The following IKZF4 variants were observed in gnomAD, a reference collection of about 807,000 sequenced individuals.
The protein encoded by IKZF4 is IKAROS family zinc finger 4.
A neutral mutation model predicts 47.7 loss-of-function variants in IKZF4; 11 were observed. The observed-to-expected ratio is 0.23, with a 90% CI of 0.15 to 0.38. The LOEUF is 0.38. IKZF4 is among the 10% of genes least tolerant of loss of function. IKZF4 has a pLI of 1.00. For synonymous variants in IKZF4, 298 were observed against 299.4 expected, an observed-to-expected ratio of 1.00 and a Z score of 0.05; for missense variants, 557 against 784.9, an observed-to-expected ratio of 0.71 and a Z score of 3.47.
chr12:56,014,167 A>AAAAAG (rs1205128681), intron 2 of IKZF4, among the ~76,000 whole-genome samples: 8 of 151,180 alleles, frequency 5.3e-5, no homozygotes, highest in South Asian at 2.1e-4. Context: ...AAAAAAAAAA[A>AAAAAG]AAAAGAAAAG....
chr12:56,019,058 A>G (rs1224353776), upstream of IKZF4, among the ~76,000 whole-genome samples: 1 of 151,526 alleles, frequency 6.6e-6, no homozygotes, highest in Non-Finnish European at 1.5e-5. Context: ...TCTACTAAAA[A>G]TACAAAAATT....
chr12:56,028,288 G>C (rs572051665), intron 5 of IKZF4, among the ~76,000 whole-genome samples: 2 of 152,070 alleles, frequency 1.3e-5, no homozygotes, highest in East Asian at 3.9e-4. Context: ...CACTTTGGGA[G>C]GCCAAGATGG....
At chr12:56,034,143 T>C (rs1273305572) in intron 7 of IKZF4, among the ~76,000 whole-genome samples, 3 of 152,060 alleles carry the variant, frequency 2.0e-5, no homozygotes, top group East Asian at 1.9e-4. Context: ...CCTCATGATC[T>C]GCCCGCCTCA....
chr12:56,010,057 C>CCA (rs376103105), intron 1 of IKZF4: 38 of 151,068 alleles, frequency 2.5e-4, no homozygotes, highest in East Asian at 1.6e-3. Flanking sequence ...CTCTCTCTCG[C>CCA]CACACACACA....
intron 1 of IKZF4, among the ~76,000 whole-genome samples, chr12:56,022,368 G>A (rs1254647253): frequency 6.6e-6 from 1 of 152,220 alleles, no homozygotes; most frequent in Non-Finnish European, 1.5e-5. Context: ...CCCTCTGGGG[G>A]TTCAGCCAAT....
chr12:56,026,900 C>G lies in IKZF4; in HGVS notation c.406C>G (p.Leu136Val), dbSNP rs1565824697. 2 of 1,613,378 alleles carry G rather than the reference C, an allele frequency of 1.2e-6. No individual in the cohort carries two copies. The highest frequency in any genetic ancestry group is 1.7e-6 in the Non-Finnish European group (2 of 1,179,662). Reference sequence around the variant, plus strand: ...TGTGGAAGATTCATTGTCTGAGCCCCTGGGCTACTGTGATGGGAGTGGGCC... The same window carrying G: ...TGTGGAAGATTCATTGTCTGAGCCCGTGGGCTACTGTGATGGGAGTGGGCC... ...VIVEDSLSEP[L>V]GYCDGSGPEP... Residue 136 changes from leucine to valine, a missense_variant, in exon 4 of 8, where the codon CTG becomes GTG. Transcript: ENST00000547167.
In IKZF4 at chr12:56,034,885, C is replaced by T. The variant is rs1895482543; in HGVS notation, c.1312C>T (p.Pro438Ser). ...LADGGPLLYRPRGPLTDPGAS... is the reference protein window; with the variant it reads ...LADGGPLLYRSRGPLTDPGAS... ...TGATGGAGGTCCCCTCCTCTACCGGCCCCGAGGCCCCCTGACTGACCCTGG... is the reference window on the plus strand; with the variant it reads ...TGATGGAGGTCCCCTCCTCTACCGGTCCCGAGGCCCCCTGACTGACCCTGG... Residue 438 changes from proline to serine, a missense_variant, in exon 8 of 8, where the codon CCC (proline) becomes TCC (serine). Transcript: ENST00000547167. 6.2e-7 allele frequency: 1 copy of T among 1,607,204 alleles called. No individual in the cohort carries two copies. The highest frequency in any genetic ancestry group is 1.7e-5 in the Admixed American group (1 of 58,688).
Position 56,027,034 on chromosome 12 carries a change from T to C in IKZF4, c.540T>C (p.Ser180=). 6.5e-7 allele frequency: 1 copy of C among 1,527,048 alleles called. No homozygotes were observed. Among genetic ancestry groups the C allele is most frequent in the Non-Finnish European group, 8.8e-7 (1 of 1,133,476 alleles). 94.6% of individuals were successfully genotyped at this position (1,527,048 alleles called of 1,614,324 possible). A position where few individuals can be genotyped will look rare whatever the true frequency, so the allele number is the denominator to read the frequency against. Residue 180 remains serine, a synonymous_variant, in exon 4 of 8, where the codon AGT becomes AGC. Transcript: ENST00000547167. ...ACGTGCTCATGGTGCACAAGCGCAG[T>C]CACACTGGTAAGTAAGCCAGAGGGG... ...GPNVLMVHKR[S]HTGERPFHCN... is the part of the protein sequence containing the mutation.
At chr12:56,016,164 G>GT (rs1312247873), upstream of IKZF4, among the ~76,000 whole-genome samples, 1 of 151,482 alleles carries the variant, frequency 6.6e-6, no homozygotes, top group Non-Finnish European at 1.5e-5. Context: ...AATTGGGTGG[G>GT]GGTGGGGGGG....
At chr12:56,028,710 G>GTAGC (rs1304385318) in intron 5 of IKZF4, among the ~76,000 whole-genome samples, 2 of 151,880 alleles carry the variant, frequency 1.3e-5, no homozygotes. Flanking sequence ...AGCTTCCTGA[G>GTAGC]TAGCTGGAAG....
chr12:56,007,697 A>G (rs895022340), exon 1 of IKZF4: 24 of 151,888 alleles, frequency 1.6e-4, no homozygotes, highest in Admixed American at 1.3e-3. Flanking sequence ...CCCTCTCCCC[A>G]ACCCCTCACA....
At chr12:56,026,497 C>G (rs1402401814) in intron 3 of IKZF4, among the ~76,000 whole-genome samples, 1 of 151,774 alleles carries the variant, frequency 6.6e-6, no homozygotes, top group East Asian at 2.0e-4. Flanking sequence ...CGAGACCATC[C>G]TGACCAACAT....
At chr12:56,034,082 T>C (rs1895338561) in intron 7 of IKZF4, among the ~76,000 whole-genome samples, 1 of 152,112 alleles carries the variant, frequency 6.6e-6, no homozygotes, top group Admixed American at 6.5e-5. Flanking sequence ...TTTGTATTTT[T>C]AGTAGAGACG....
At chr12:56,029,017 T>C (rs1894506222) in intron 5 of IKZF4, among the ~76,000 whole-genome samples, 1 of 152,156 alleles carries the variant, frequency 6.6e-6, no homozygotes, top group Non-Finnish European at 1.5e-5. Flanking sequence ...TTCACCCTCC[T>C]TCCTCCCACA....
chr12:56,032,574 A>G lies in IKZF4; in HGVS notation c.729A>G (p.Thr243=). ...TCTCCTCCACAGTCTCCTCTCCCAC[A>G]GTGGGCAAGCCCTACAAGTGTAACT... ...HLRTHSVSSP[T]VGKPYKCNYC... The change falls in exon 6 of 8, where the codon ACA becomes ACG. Residue 243 remains threonine (T), a synonymous_variant. Transcript: ENST00000547167. The G allele has an allele frequency of 1.2e-6, 2 of 1,613,068 alleles. No individual in the cohort carries two copies. The highest frequency in any genetic ancestry group is 1.7e-6 in the Non-Finnish European group (2 of 1,179,498).
Position 56,025,099 on chromosome 12 carries a change from TG to T in IKZF4, c.231del (p.Ser79ArgfsTer2). The part of the protein sequence containing the change: ...SLEKEFLGAP[V>X]GPSVSTPNSQ... Reference sequence around the variant, plus strand: ...GAGAAGGAGTTCCTCGGGGCCCCAGTGGGGCCCTCGGTGAGCACCCCCAACA... The same window carrying T: ...GAGAAGGAGTTCCTCGGGGCCCCAGTGGGCCCTCGGTGAGCACCCCCAACA... On this transcript the variant is annotated frameshift_variant, in exon 3 of 8. Coordinates refer to ENST00000547167, the MANE Select transcript of IKZF4 (RefSeq NM_022465.4). LOFTEE classifies it high-confidence loss of function. 1 of 1,603,066 alleles carries T rather than the reference TG, an allele frequency of 6.2e-7. No homozygotes were observed. Among genetic ancestry groups the T allele is most frequent in the Non-Finnish European group, 8.5e-7 (1 of 1,175,070 alleles).
rs56380320 is a variant in IKZF4 at position 56,028,532 on chromosome 12, C to CA, written c.715+614dup. Among the ~76,000 whole-genome samples, 65 of 52,960 alleles carry CA rather than the reference C, an allele frequency of 1.2e-3. 2 individuals carry two copies. Among genetic ancestry groups the CA allele is most frequent in the African/African-American group, 3.9e-3 (65 of 16,676 alleles). 34.7% of individuals were successfully genotyped at this position (52,960 alleles called of 152,430 possible). On this transcript the variant is annotated intron_variant, in intron 5 of 7. Coordinates refer to ENST00000547167, the MANE Select transcript of IKZF4 (RefSeq NM_022465.4). ...TGGGCGACTGAGCGACACTCAGTCT[C>CA]AAAAAAAAAAAAAAAAAAAAAAAAA... is the stretch of plus-strand genomic sequence containing the variant.
intron 2 of IKZF4, among the ~76,000 whole-genome samples, chr12:56,015,994 G>A (rs1236433134): frequency 6.6e-6 from 1 of 152,124 alleles, no homozygotes; most frequent in Non-Finnish European, 1.5e-5. Context: ...AATAAACTTA[G>A]AGAATTTTTT....
rs376222405 is a variant in IKZF4 at position 56,025,058 on chromosome 12, C to T, written c.186C>T (p.Ser62=). The T allele has an allele frequency of 2.0e-5, 31 of 1,582,632 alleles. No individual in the cohort carries two copies. In the Middle Eastern group the frequency reaches 5.0e-4, roughly 25 times the overall value. ...CCTCTTGTTCTCTCCTCCAAGGTAGCGGGGACTCATCTCTGGAGAAGGAGT... is the reference window on the plus strand; with the variant it reads ...CCTCTTGTTCTCTCCTCCAAGGTAGTGGGGACTCATCTCTGGAGAAGGAGT... ...FIMESLFCES[S]GDSSLEKEFL... Residue 62 remains serine (S), a synonymous_variant, in exon 3 of 8, where the codon AGC becomes AGT. Transcript: ENST00000547167.
Sources: allele counts gnomAD v4.1 joint callset (sites outside exome capture counted in the v4.1 genomes callset), GRCh38; gene constraint gnomAD v4.1.1; transcripts MANE v1.5; gene names NCBI Gene and HGNC (gene_info 2026-07-23, HGNC 2026-07-21).